CLCN3: variants seen among roughly 807,000 people sequenced by gnomAD.
CLCN3 encodes Cl-/H+ antiporter 3.
CLCN3 carries 16 observed loss-of-function variants against 83.4 expected under a neutral mutation model. That is an observed-to-expected ratio of 0.19 (90% confidence interval 0.13 to 0.29). CLCN3 has a LOEUF of 0.29. Ranked by LOEUF, CLCN3 falls within the 10% of genes least tolerant of loss-of-function variation. The pLI is 1.00. For synonymous variants in CLCN3, 322 were observed against 346.2 expected (o/e 0.93, Z 0.78); for missense variants, 544 against 1,006.0 (o/e 0.54, Z 6.21).
intron 2 of CLCN3, chr4:169,663,686 A>G: frequency 2.5e-6 from 1 of 402,072 alleles, no homozygotes; most frequent in Non-Finnish European, 4.9e-6. Flanking sequence ...TCCTCATCAC[A>G]AGTTTATGAA....
intron 12 of CLCN3, chr4:169,717,868 G>C (rs753223607): frequency 4.4e-6 from 7 of 1,604,030 alleles, no homozygotes; most frequent in Non-Finnish European, 6.0e-6. Flanking sequence ...CGAACCCTTG[G>C]TGATTAGATA....
At chr4:169,719,820 G>C in intron 12 of CLCN3, 87 bp from the exon 13 acceptor site, 2 of 1,077,080 alleles carry the variant, frequency 1.9e-6, no homozygotes, top group South Asian at 3.4e-5. Context: ...CTCTATTCCT[G>C]TCAACAAAAA....
At chr4:169,675,663 C>A (rs1312517279) in intron 2 of CLCN3, among the ~76,000 whole-genome samples, 1 of 152,086 alleles carries the variant, frequency 6.6e-6, no homozygotes, top group East Asian at 1.9e-4. Flanking sequence ...ATGCTAAAAT[C>A]ACCTATTTGA....
At chr4:169,712,752 T>A (rs1299443819) in intron 11 of CLCN3, among the ~76,000 whole-genome samples, 1 of 152,202 alleles carries the variant, frequency 6.6e-6, no homozygotes, top group Non-Finnish European at 1.5e-5. Flanking sequence ...GTGCAGGTTT[T>A]AAAATCCCGT....
At chr4:169,713,943 A>G (rs1165778695) in intron 12 of CLCN3, among the ~76,000 whole-genome samples, 1 of 152,186 alleles carries the variant, frequency 6.6e-6, no homozygotes, top group African/African-American at 2.4e-5. Context: ...CCTTTTACAC[A>G]TGAACTGCCA....
At chr4:169,641,948 G>A (rs1730425991) in intron 2 of CLCN3, among the ~76,000 whole-genome samples, 2 of 152,074 alleles carry the variant, frequency 1.3e-5, no homozygotes, top group Admixed American at 6.5e-5. Context: ...AGGATATAAA[G>A]CAACTTAAAG....
chr4:169,708,252 G>T (rs1733067804), intron 11 of CLCN3, among the ~76,000 whole-genome samples: 1 of 152,146 alleles, frequency 6.6e-6, no homozygotes, highest in Non-Finnish European at 1.5e-5. Context: ...GTATGTGGGG[G>T]AGTGTTTCTC....
At chr4:169,703,340 C>T (rs530219041) in intron 9 of CLCN3, among the ~76,000 whole-genome samples, 2 of 152,268 alleles carry the variant, frequency 1.3e-5, no homozygotes, top group East Asian at 3.9e-4. Context: ...GTATATCAGT[C>T]AAAATATTGG....
chr4:169,679,286 G>A (rs1315650131), intron 2 of CLCN3, among the ~76,000 whole-genome samples: 9 of 146,798 alleles, frequency 6.1e-5, no homozygotes, highest in Non-Finnish European at 1.3e-4. Flanking sequence ...CCACGTCCCA[G>A]ACGATGGGCG....
chr4:169,637,348 A>G (rs1656619213), intron 2 of CLCN3, among the ~76,000 whole-genome samples: 1 of 152,086 alleles, frequency 6.6e-6, no homozygotes, highest in African/African-American at 2.4e-5. Flanking sequence ...AATGAAATCC[A>G]GCTAATCTTT....
In CLCN3 at chr4:169,688,295, C is replaced by T. The variant is rs74461003; in HGVS notation, c.418+538C>T. On this transcript the variant is annotated intron_variant, in intron 4 of 12. Coordinates refer to ENST00000513761, the MANE Select transcript of CLCN3 (RefSeq NM_001829.4). Reference sequence around the variant, plus strand: ...CTAGCTCAAGACCTATCCCCTTCATCACCCTGCTATACAGCGTGGCCACAA... The same window carrying T: ...CTAGCTCAAGACCTATCCCCTTCATTACCCTGCTATACAGCGTGGCCACAA... Among the ~76,000 whole-genome samples, 509 of 152,316 alleles carry T rather than the reference C, an allele frequency of 3.3e-3. 5 individuals carry two copies. The highest frequency in any genetic ancestry group is 0.012 in the African/African-American group (497 of 41,564).
At chr4:169,673,396 C>G (rs1581233073) in intron 2 of CLCN3, among the ~76,000 whole-genome samples, 1 of 152,180 alleles carries the variant, frequency 6.6e-6, no homozygotes, top group East Asian at 1.9e-4. Context: ...TTTTCTACCT[C>G]ATAAAAATGA....
chr4:169,708,054 A>C (rs1733060476), intron 11 of CLCN3, among the ~76,000 whole-genome samples: 1 of 152,192 alleles, frequency 6.6e-6, no homozygotes, highest in Non-Finnish European at 1.5e-5. Context: ...GGATAGGTAC[A>C]TCAAGCCATT....
At chr4:169,639,678 A>G (rs1730344195) in intron 2 of CLCN3, among the ~76,000 whole-genome samples, 1 of 152,188 alleles carries the variant, frequency 6.6e-6, no homozygotes, top group East Asian at 1.9e-4. Flanking sequence ...GGAGCCTCAC[A>G]TTAGGTCTCT....
chr4:169,680,293 C>A, intron 3 of CLCN3, 86 bp downstream of exon 3: 1 of 923,098 alleles, frequency 1.1e-6, no homozygotes, highest in Non-Finnish European at 1.6e-6. Flanking sequence ...TCTCAGGCTG[C>A]CAAATGTTTA....
Position 169,720,618 on chromosome 4 carries a change from A to T in CLCN3, c.*621A>T, listed in dbSNP as rs1032877381. Reference sequence around the variant, plus strand: ...TATCCTTTTGAAGCAGTCCTTTCTCATATTGAGATGTACTGTGATTTTACT... The same window carrying T: ...TATCCTTTTGAAGCAGTCCTTTCTCTTATTGAGATGTACTGTGATTTTACT... On this transcript the variant is annotated 3_prime_UTR_variant, in exon 13 of 13. Transcript: ENST00000513761. 6.6e-6 allele frequency: 1 copy of T among 151,948 alleles called. No homozygotes were observed. Among genetic ancestry groups the T allele is most frequent in the Non-Finnish European group, 1.5e-5 (1 of 67,996 alleles). The allele number at this position is 151,948 out of a possible 1,614,324, so 9.4% of individuals were successfully genotyped here.
At chr4:169,674,598 G>A (rs1731606125) in intron 2 of CLCN3, among the ~76,000 whole-genome samples, 1 of 152,138 alleles carries the variant, frequency 6.6e-6, no homozygotes, top group Non-Finnish European at 1.5e-5. Flanking sequence ...TGTGTTGTAT[G>A]TAAATGAAAG....
At chr4:169,705,898 G>T (rs1732970246) in intron 10 of CLCN3, among the ~76,000 whole-genome samples, 1 of 152,114 alleles carries the variant, frequency 6.6e-6, no homozygotes, top group Non-Finnish European at 1.5e-5. Flanking sequence ...AGGCACGATG[G>T]CACATGCATG....
At position 169,690,622 on chromosome 4, in the gene CLCN3, T is replaced by C. The variant is rs774579319; in HGVS notation, c.699T>C (p.Ala233=). The C allele has an allele frequency of 3.5e-5, 57 of 1,613,628 alleles. No homozygotes were observed. Among genetic ancestry groups the C allele is most frequent in the Non-Finnish European group, 4.8e-5 (57 of 1,179,574 alleles). Reference sequence around the variant, plus strand: ...CAGTTTCCCTGGTAAAGGTATTTGCTCCATATGCCTGTGGCTCTGGAATTC... The same window carrying C: ...CAGTTTCCCTGGTAAAGGTATTTGCCCCATATGCCTGTGGCTCTGGAATTC... ...FLAVSLVKVF[A]PYACGSGIPE... is the part of the protein sequence containing the mutation. The change falls in exon 6 of 13, where the codon GCT becomes GCC. Residue 233 remains alanine (A), a synonymous_variant. Transcript: ENST00000513761.
Sources: gnomAD v4.1 joint callset for allele counts (sites outside exome capture counted in the v4.1 genomes callset) on GRCh38, gnomAD v4.1.1 for gene constraint, MANE v1.5 for transcripts, NCBI Gene and HGNC (gene_info 2026-07-23, HGNC 2026-07-21) for gene names.